DUSP22: variants seen among roughly 807,000 people sequenced by gnomAD.
The protein encoded by DUSP22 is dual specificity phosphatase 22.
Under a neutral mutation model 24.5 loss-of-function variants are expected in DUSP22, and 24 were observed. That is an observed-to-expected ratio of 0.98 (90% CI 0.71 to 1.38). DUSP22 has a LOEUF of 1.38. Among genes scored for constraint, DUSP22 ranks in the 40% most tolerant of loss-of-function variants. The probability of loss-of-function intolerance (pLI) is 0.00; values close to 1 mark genes in which losing one functional copy is unlikely to be tolerated. For synonymous variants in DUSP22, 160 were observed against 106.4 expected (o/e 1.50, Z -3.10); for missense variants, 330 against 269.2 (o/e 1.23, Z -1.58).
At chr6:337,148 C>A (rs1233567312) in intron 4 of DUSP22, 1 of 152,570 alleles carries the variant, frequency 6.6e-6, no homozygotes, top group African/African-American at 2.4e-5. Flanking sequence ...GTGACAGTGA[C>A]CTGATTTAAG....
At position 348,909 on chromosome 6, in the gene DUSP22, A is replaced by T. The variant is rs1463802863; in HGVS notation, c.576A>T (p.Ala192=). The T allele has an allele frequency of 6.2e-7, 1 of 1,613,136 alleles. No homozygotes were observed. Among genetic ancestry groups the T allele is most frequent in the African/African-American group, 1.3e-5 (1 of 75,058 alleles). ...CCAGGCGGTGGAGCAGTTTTCCGGC[A>T]CTGGCTCCGCTGACCTACGATAATT... ...PGARRWSSFP[A]LAPLTYDNYT... is the part of the protein sequence containing the mutation. Residue 192 remains alanine (A), a synonymous_variant, in exon 7 of 7, where the codon GCA becomes GCT. Transcript: ENST00000419235.
chr6:301,031 GC>G (rs1757558527), intron 1 of DUSP22, among the ~76,000 whole-genome samples: 1 of 152,304 alleles, frequency 6.6e-6, no homozygotes, highest in African/African-American at 2.4e-5. Flanking sequence ...TATCCCTGCA[GC>G]CGGCGTGCAG....
At chr6:325,780 C>G (rs1758837801) in intron 3 of DUSP22, 1 of 247,672 alleles carries the variant, frequency 4.0e-6, no homozygotes, top group Admixed American at 6.1e-5. Context: ...CTTCTGCGTT[C>G]TGGTGTGTGC....
chr6:296,535 T>C (rs1757336611), intron 1 of DUSP22, among the ~76,000 whole-genome samples: 1 of 152,300 alleles, frequency 6.6e-6, no homozygotes, highest in Admixed American at 6.5e-5. Flanking sequence ...TGCATGCAAA[T>C]GTCGTGTTCC....
chr6:349,688 A>G lies in DUSP22; in HGVS notation c.*737A>G. ...GCACTTTATACCAACTCAGCATTTA[A>G]GGGAAGTATCTTAGATTGCCTCCAT... On this transcript the variant is annotated 3_prime_UTR_variant, in exon 7 of 7. Transcript: ENST00000419235. 1 of 986,036 alleles carries G rather than the reference A, an allele frequency of 1.0e-6. No individual in the cohort carries two copies. The highest frequency in any genetic ancestry group is 1.2e-6 in the Non-Finnish European group (1 of 830,286). 61.1% of individuals were successfully genotyped at this position (986,036 alleles called of 1,614,324 possible).
At chr6:347,542 C>T (rs567844302) in intron 5 of DUSP22, among the ~76,000 whole-genome samples, 1 of 152,414 alleles carries the variant, frequency 6.6e-6, no homozygotes, top group South Asian at 2.1e-4. Context: ...TGCCTTGCTC[C>T]CACCCTGCGG....
intron 3 of DUSP22, among the ~76,000 whole-genome samples, chr6:322,094 C>T (rs1581167603): frequency 6.6e-6 from 1 of 152,300 alleles, no homozygotes; most frequent in East Asian, 1.9e-4. Flanking sequence ...ATAGTGTACA[C>T]ATATCATCTA....
chr6:297,882 T>A (rs1029950176), intron 1 of DUSP22, among the ~76,000 whole-genome samples: 1 of 152,308 alleles, frequency 6.6e-6, no homozygotes, highest in African/African-American at 2.4e-5. Context: ...CGTAATCCAG[T>A]CATCCATCCA....
intron 3 of DUSP22, 106 bp from the exon 4 acceptor site, chr6:335,007 CT>C: frequency 7.6e-7 from 1 of 1,317,910 alleles, no homozygotes; most frequent in Non-Finnish European, 1.0e-6. Context: ...AAAACTTCTC[CT>C]TTTTATTTTT....
At chr6:312,469 C>T (rs554731572) in intron 3 of DUSP22, among the ~76,000 whole-genome samples, 477 of 152,194 alleles carry the variant, frequency 3.1e-3, no homozygotes, top group Non-Finnish European at 4.7e-3. Flanking sequence ...TTTAGGTTTT[C>T]GGGGTAAACA....
chr6:348,778 T>A lies in DUSP22; in HGVS notation c.445T>A (p.Trp149Arg). Residue 149 changes from tryptophan (W) to arginine (R), a missense_variant, in exon 7 of 7, where the codon TGG becomes AGG. Transcript: ENST00000419235. ...EKHEVHQYRQ[W>R]LKEEYGESPL... ...TTTCCATCCTCTCCAGTATCGGCAG[T>A]GGCTGAAGGAAGAATATGGAGAGAG... is the stretch of plus-strand genomic sequence containing the variant. 6.2e-7 allele frequency: 1 copy of A among 1,614,298 alleles called. No homozygotes were observed. Among genetic ancestry groups the A allele is most frequent in the Non-Finnish European group, 8.5e-7 (1 of 1,180,054 alleles).
At chr6:293,534 C>T (rs968832429) in intron 1 of DUSP22, among the ~76,000 whole-genome samples, 2 of 152,296 alleles carry the variant, frequency 1.3e-5, no homozygotes, top group Non-Finnish European at 2.9e-5. Flanking sequence ...CTCTACATGC[C>T]GTCAGCTTCC....
chr6:304,009 T>G (rs1257363845), intron 1 of DUSP22, among the ~76,000 whole-genome samples: 2 of 152,306 alleles, frequency 1.3e-5, no homozygotes, highest in Non-Finnish European at 2.9e-5. Flanking sequence ...TTGGATCATT[T>G]ATTTAACAAC....
At chr6:298,112 A>AC (rs1380125447) in intron 1 of DUSP22, among the ~76,000 whole-genome samples, 1 of 152,214 alleles carries the variant, frequency 6.6e-6, no homozygotes, top group Non-Finnish European at 1.5e-5. Context: ...CCTCTACACC[A>AC]CCCCCCGAGG....
chr6:299,435 C>T (rs2757546), intron 1 of DUSP22, among the ~76,000 whole-genome samples: 131,744 of 152,296 alleles, frequency 0.87, 55,667 homozygotes, highest in East Asian at 1. Context: ...GTCTGAATTA[C>T]GAAGCTGACT....
At chr6:293,778 G>A (rs1157348994) in intron 1 of DUSP22, among the ~76,000 whole-genome samples, 4 of 149,686 alleles carry the variant, frequency 2.7e-5, no homozygotes, top group African/African-American at 9.8e-5. Context: ...GGGTATTTTG[G>A]TAAAGAGAAT....
intron 1 of DUSP22, among the ~76,000 whole-genome samples, chr6:300,740 T>C (rs1298707874): frequency 1.3e-5 from 2 of 152,304 alleles, no homozygotes; most frequent in African/African-American, 2.4e-5. Flanking sequence ...TCAAGATCTG[T>C]GCACTCTTCT....
intron 4 of DUSP22, among the ~76,000 whole-genome samples, chr6:335,660 T>C (rs1759328242): frequency 6.6e-6 from 1 of 152,310 alleles, no homozygotes; most frequent in Admixed American, 6.5e-5. Flanking sequence ...TTTTGATATG[T>C]ACTCAATATA....
At chr6:345,195 C>G (rs1406590694) in intron 4 of DUSP22, among the ~76,000 whole-genome samples, 1 of 152,282 alleles carries the variant, frequency 6.6e-6, no homozygotes, top group Non-Finnish European at 1.5e-5. Context: ...TTTCAGTAAA[C>G]CACAGGAAGA....
Sources: allele counts gnomAD v4.1 joint callset (sites outside exome capture counted in the v4.1 genomes callset), GRCh38; gene constraint gnomAD v4.1.1; transcripts MANE v1.5; gene names NCBI Gene and HGNC (gene_info 2026-07-23, HGNC 2026-07-21).